Variants in POC1B observed in about 807,000 individuals in gnomAD.
The protein encoded by POC1B is POC1 centriolar protein B.
POC1B carries 44 observed loss-of-function variants against 60.6 expected under a neutral mutation model. The observed-to-expected ratio is 0.73, with a 90% confidence interval of 0.57 to 0.93. The LOEUF (loss-of-function observed/expected upper bound fraction) is 0.93. Ranked by LOEUF, POC1B falls within the 40% of genes least tolerant of loss-of-function variation. POC1B has a pLI of 0.00. For missense variants in POC1B, 555 were observed against 572.3 expected, an observed-to-expected ratio of 0.97 and a Z score of 0.31; for synonymous variants, 180 against 198.9, an observed-to-expected ratio of 0.90 and a Z score of 0.80.
chr12:89,402,423 T>C, the POC1B span, among the ~76,000 whole-genome samples: 4 of 152,072 alleles, frequency 2.6e-5, no homozygotes, highest in African/African-American at 9.7e-5. Flanking sequence ...GTTTGTTACA[T>C]AGGTAAACCT....
chr12:89,418,365 C>G (rs918981362), downstream of POC1B, among the ~76,000 whole-genome samples: 1 of 152,086 alleles, frequency 6.6e-6, no homozygotes, highest in African/African-American at 2.4e-5. Context: ...GGAGAAGTTG[C>G]GTCTTGGCCT....
intron 10 of POC1B, among the ~76,000 whole-genome samples, chr12:89,443,274 C>T (rs1349307637): frequency 2.0e-5 from 3 of 152,226 alleles, no homozygotes; most frequent in African/African-American, 7.2e-5. Context: ...CTATAGAACT[C>T]TCCACCCCAA....
chr12:89,442,680 G>A (rs1881580911), intron 10 of POC1B, among the ~76,000 whole-genome samples: 1 of 152,204 alleles, frequency 6.6e-6, no homozygotes, highest in South Asian at 2.1e-4. Context: ...TTGATGCTAG[G>A]AAGGAACTGC....
At chr12:89,438,374 G>A (rs1255516364) in intron 10 of POC1B, among the ~76,000 whole-genome samples, 1 of 151,690 alleles carries the variant, frequency 6.6e-6, no homozygotes, top group African/African-American at 2.4e-5. Context: ...GGAGAATGGC[G>A]TGAAGCCGGG....
At chr12:89,500,055 C>T in intron 2 of POC1B, 2 of 1,246,996 alleles carry the variant, frequency 1.6e-6, no homozygotes, top group South Asian at 2.6e-5. Context: ...TGTGGGCTTC[C>T]ACCTCAGACA....
intron 10 of POC1B, among the ~76,000 whole-genome samples, chr12:89,444,155 C>A (rs1313160236): frequency 1.3e-5 from 2 of 152,194 alleles, no homozygotes; most frequent in Non-Finnish European, 2.9e-5. Context: ...AACGGTTTCA[C>A]AGCCGAATTC....
chr12:89,522,243 C>A (rs1004431935), intron 2 of POC1B: 1 of 398,398 alleles, frequency 2.5e-6, no homozygotes, highest in Non-Finnish European at 4.4e-6. Context: ...CAAACAAATG[C>A]CCTCTTCCAA....
At chr12:89,435,845 T>C (rs1474564064) in intron 10 of POC1B, among the ~76,000 whole-genome samples, 4 of 152,118 alleles carry the variant, frequency 2.6e-5, no homozygotes. Flanking sequence ...ATAATCAGAA[T>C]GATGAAGAAT....
At chr12:89,411,578 C>G in the POC1B span, among the ~76,000 whole-genome samples, 1 of 152,222 alleles carries the variant, frequency 6.6e-6, no homozygotes, top group African/African-American at 2.4e-5. Flanking sequence ...AGTCCTGTGT[C>G]TTTTGCCTTA....
chr12:89,462,444 A>T (rs1882516036), intron 9 of POC1B, among the ~76,000 whole-genome samples: 1 of 152,152 alleles, frequency 6.6e-6, no homozygotes, highest in Non-Finnish European at 1.5e-5. Flanking sequence ...CAAAGGTACC[A>T]TCCCACATCC....
At chr12:89,449,882 A>T (rs939727138) in intron 10 of POC1B, among the ~76,000 whole-genome samples, 1 of 152,208 alleles carries the variant, frequency 6.6e-6, no homozygotes, top group South Asian at 2.1e-4. Context: ...ACACAAGTTC[A>T]TATGAATTTA....
Position 89,467,665 on chromosome 12 carries a change from T to C in POC1B, c.831A>G (p.Ser277=), listed in dbSNP as rs1882734216. The change falls in exon 8 of 12, where the codon TCA becomes TCG. Residue 277 remains serine (S), a synonymous_variant. Coordinates refer to ENST00000313546, the MANE Select transcript of POC1B (RefSeq NM_172240.3). ...QGHTGPVFTV[S]FSKGGELFAS... Reference sequence around the variant, plus strand: ...CAAATAGCTCTCCACCTTTTGAAAATGAAACAGTAAAGACAGGTCCCTGAG... The same window carrying C: ...CAAATAGCTCTCCACCTTTTGAAAACGAAACAGTAAAGACAGGTCCCTGAG... The C allele has an allele frequency of 6.2e-7, 1 of 1,611,560 alleles. No homozygotes were observed. Among genetic ancestry groups the C allele is most frequent in the Non-Finnish European group, 8.5e-7 (1 of 1,178,500 alleles).
At chr12:89,444,575 TC>T (rs1399425956) in intron 10 of POC1B, among the ~76,000 whole-genome samples, 1 of 152,198 alleles carries the variant, frequency 6.6e-6, no homozygotes, top group East Asian at 1.9e-4. Context: ...CTAAAAACTC[TC>T]AATAAACTAC....
chr12:89,407,935 C>T, the POC1B span, among the ~76,000 whole-genome samples: 3 of 152,168 alleles, frequency 2.0e-5, no homozygotes, highest in South Asian at 4.2e-4. Context: ...TAGGTATTTC[C>T]GCTAATGCTA....
chr12:89,418,143 C>T (rs1880396682), downstream of POC1B, among the ~76,000 whole-genome samples: 3 of 152,074 alleles, frequency 2.0e-5, no homozygotes, highest in African/African-American at 7.2e-5. Flanking sequence ...CTTGGGCAGT[C>T]AGGGAGGGCA....
intron 10 of POC1B, among the ~76,000 whole-genome samples, chr12:89,453,165 C>A (rs544856463): frequency 6.6e-6 from 1 of 152,078 alleles, no homozygotes; most frequent in East Asian, 1.9e-4. Context: ...AATTTAATTA[C>A]GTCACTTAAT....
At chr12:89,477,430 G>C (rs1028884749) in intron 4 of POC1B, among the ~76,000 whole-genome samples, 7 of 152,062 alleles carry the variant, frequency 4.6e-5, no homozygotes, top group African/African-American at 1.7e-4. Context: ...CCACCCATGA[G>C]TACAACTGCT....
At position 89,497,427 on chromosome 12, in the gene POC1B, A is replaced by G. The variant is rs1869313586; in HGVS notation, c.101-85T>C. ...CATTACAATGAGCAGCATATCTAAT[A>G]ACAAGGCATCCAGGTAATAGAGCGG... On this transcript the variant is annotated intron_variant, in intron 2 of 11. Coordinates refer to ENST00000313546, the MANE Select transcript of POC1B (RefSeq NM_172240.3). 11 of 1,367,646 alleles carry G rather than the reference A, an allele frequency of 8.0e-6. No homozygotes were observed. The South Asian group carries it at 1.2e-4, about 15-fold the overall frequency. The allele number at this position is 1,367,646 out of a possible 1,614,324, so 84.7% of individuals were successfully genotyped here.
At chr12:89,490,074 T>C (rs541328567) in intron 4 of POC1B, among the ~76,000 whole-genome samples, 1 of 152,238 alleles carries the variant, frequency 6.6e-6, no homozygotes, top group East Asian at 1.9e-4. Flanking sequence ...TTTGAGAGAA[T>C]GGAGCCAGCA....
Sources: allele counts gnomAD v4.1 joint callset (sites outside exome capture counted in the v4.1 genomes callset), GRCh38; gene constraint gnomAD v4.1.1; transcripts MANE v1.5; gene names NCBI Gene and HGNC (gene_info 2026-07-23, HGNC 2026-07-21).